Variants in TBC1D5 observed in about 807,000 individuals in gnomAD.
TBC1D5 encodes TBC1 domain family member 5.
A neutral mutation model predicts 100.3 loss-of-function variants in TBC1D5; 75 were observed. The ratio of observed to expected loss-of-function variants is 0.75; its 90% CI spans 0.62 to 0.91. The LOEUF (loss-of-function observed/expected upper bound fraction) is 0.91, where lower values mean the gene tolerates loss of function less well. Ranked by LOEUF, TBC1D5 falls within the 40% of genes least tolerant of loss-of-function variation. The pLI, the probability that TBC1D5 is intolerant of heterozygous loss-of-function variation, is 0.00. For synonymous variants in TBC1D5, 323 were observed against 325.6 expected, an observed-to-expected ratio of 0.99 and a Z score of 0.09; for missense variants, 910 against 942.4, an observed-to-expected ratio of 0.97 and a Z score of 0.45.
At chr3:17,248,234 T>G (rs144152898) in intron 16 of TBC1D5, among the ~76,000 whole-genome samples, 46 of 152,298 alleles carry the variant, frequency 3.0e-4, no homozygotes, top group Middle Eastern at 3.4e-3. Context: ...TCAGGTGATC[T>G]GCTCGCCTTG....
chr3:17,581,751 A>G (rs1017783216), intron 2 of TBC1D5, among the ~76,000 whole-genome samples: 9 of 152,222 alleles, frequency 5.9e-5, no homozygotes, highest in Non-Finnish European at 2.9e-5. Context: ...TAAACTACAA[A>G]GCAGATGATG....
At chr3:17,674,279 C>T (rs949167294) in intron 1 of TBC1D5, among the ~76,000 whole-genome samples, 26 of 152,030 alleles carry the variant, frequency 1.7e-4, no homozygotes, top group East Asian at 5.8e-4. Context: ...TCATCTATTG[C>T]GAAATAGAAA....
intron 8 of TBC1D5, 57 bp from the exon 9 acceptor site, chr3:17,384,072 C>T: frequency 6.9e-7 from 1 of 1,452,038 alleles, no homozygotes; most frequent in South Asian, 1.3e-5. Context: ...GAATCACTCT[C>T]AAATTCTCAT....
At chr3:17,238,236 G>C in exon 17 of TBC1D5, 1 of 1,613,992 alleles carries the variant, frequency 6.2e-7, no homozygotes, top group East Asian at 2.2e-5. Flanking sequence ...GCAAGTGATG[G>C]CTTGGGGCCT....
chr3:17,254,743 CT>C (rs2077479010), intron 16 of TBC1D5, among the ~76,000 whole-genome samples: 1 of 109,254 alleles, frequency 9.2e-6, no homozygotes, highest in South Asian at 3.0e-4. Flanking sequence ...TTTGCCTACC[CT>C]TTGTCTTTAC....
intron 1 of TBC1D5, among the ~76,000 whole-genome samples, chr3:17,723,457 A>G (rs2075860615): frequency 6.6e-6 from 1 of 152,352 alleles, no homozygotes; most frequent in Admixed American, 6.5e-5. Context: ...GCAAAGATCC[A>G]AAAGTTGGAG....
intron 1 of TBC1D5, among the ~76,000 whole-genome samples, chr3:17,692,723 T>C (rs7633601): frequency 0.59 from 89,633 of 152,130 alleles, 27,099 homozygotes; most frequent in East Asian, 0.99. Flanking sequence ...CTGAATTTGT[T>C]TTTACTTCTT....
intron 9 of TBC1D5, among the ~76,000 whole-genome samples, chr3:17,380,722 G>A (rs1321958583): frequency 6.6e-6 from 1 of 151,988 alleles, no homozygotes; most frequent in Admixed American, 6.6e-5. Flanking sequence ...AATTGAACCT[G>A]TTCTTTTATC....
chr3:17,669,727 T>C (rs906456097), intron 1 of TBC1D5, among the ~76,000 whole-genome samples: 1 of 152,194 alleles, frequency 6.6e-6, no homozygotes, highest in African/African-American at 2.4e-5. Flanking sequence ...ACAGTAGTAA[T>C]TGTTGTTTCA....
chr3:17,311,438 C>T (rs1217780805), intron 13 of TBC1D5, among the ~76,000 whole-genome samples: 1 of 151,972 alleles, frequency 6.6e-6, no homozygotes, highest in African/African-American at 2.4e-5. Context: ...CAGGACAAGT[C>T]TCTATGTTTG....
At chr3:17,292,856 A>G (rs2081904855) in intron 14 of TBC1D5, among the ~76,000 whole-genome samples, 2 of 152,202 alleles carry the variant, frequency 1.3e-5, no homozygotes, top group Admixed American at 6.5e-5. Flanking sequence ...TTCACTAATC[A>G]GTTACTTGAA....
intron 1 of TBC1D5, among the ~76,000 whole-genome samples, chr3:17,645,161 T>A (rs914464453): frequency 1.3e-5 from 2 of 152,136 alleles, no homozygotes; most frequent in Non-Finnish European, 2.9e-5. Context: ...CATTGCTTAT[T>A]ACTGAAATGT....
At chr3:17,602,110 C>T (rs1344888846) in intron 2 of TBC1D5, among the ~76,000 whole-genome samples, 1 of 152,172 alleles carries the variant, frequency 6.6e-6, no homozygotes, top group South Asian at 2.1e-4. Context: ...GTATTACAGG[C>T]GTAAGCCATT....
chr3:17,554,203 T>C (rs1198066884), intron 2 of TBC1D5, among the ~76,000 whole-genome samples: 1 of 152,074 alleles, frequency 6.6e-6, no homozygotes, highest in Non-Finnish European at 1.5e-5. Flanking sequence ...CAAGAAGAGG[T>C]TATCAGTCAA....
chr3:17,688,165 T>C (rs1460385587), intron 1 of TBC1D5, among the ~76,000 whole-genome samples: 1 of 152,032 alleles, frequency 6.6e-6, no homozygotes, highest in Non-Finnish European at 1.5e-5. Flanking sequence ...AATAAAAAAA[T>C]ATAAACTATT....
chr3:17,417,127 T>C (rs1280074950), intron 4 of TBC1D5, among the ~76,000 whole-genome samples: 3 of 152,172 alleles, frequency 2.0e-5, no homozygotes, highest in African/African-American at 7.2e-5. Context: ...TGTCTAGATC[T>C]ACGAAAGTTG....
chr3:17,658,704 T>C (rs2066345966), intron 1 of TBC1D5, among the ~76,000 whole-genome samples: 1 of 152,188 alleles, frequency 6.6e-6, no homozygotes, highest in Non-Finnish European at 1.5e-5. Context: ...TCACCCAGAC[T>C]GGAGTGCAGT....
intron 3 of TBC1D5, among the ~76,000 whole-genome samples, chr3:17,492,711 C>T (rs181817031): frequency 1.3e-5 from 2 of 152,216 alleles, no homozygotes; most frequent in Non-Finnish European, 2.9e-5. Flanking sequence ...ACTGGGATTA[C>T]AGGCGTGAGC....
intron 13 of TBC1D5, among the ~76,000 whole-genome samples, chr3:17,329,148 T>C (rs943625921): frequency 1.3e-5 from 2 of 152,196 alleles, no homozygotes; most frequent in Admixed American, 6.5e-5. Context: ...GATGCTAGAA[T>C]GAAAGTTTAT....
Sources: gnomAD v4.1 joint callset for allele counts (sites outside exome capture counted in the v4.1 genomes callset) on GRCh38, gnomAD v4.1.1 for gene constraint, MANE v1.5 for transcripts, NCBI Gene and HGNC (gene_info 2026-07-23, HGNC 2026-07-21) for gene names.